The following KLHL14 variants were observed in gnomAD, a reference collection of about 807,000 sequenced individuals.
KLHL14 encodes kelch like family member 14, also known as kelch-like protein 14.
KLHL14 carries 22 observed loss-of-function variants against 64.3 expected under a neutral mutation model. The observed-to-expected ratio is 0.34, with a 90% CI of 0.24 to 0.49. The LOEUF is 0.49. KLHL14 is among the 20% of genes least tolerant of loss of function. KLHL14 has a pLI of 0.99. For synonymous variants in KLHL14, 322 were observed against 333.4 expected (o/e 0.97, Z 0.37); for missense variants, 661 against 789.0 (o/e 0.84, Z 1.94).
chr18:32,770,656 TGGGAGGGAG>T lies in KLHL14; in HGVS notation c.-43-31_-43-23del. ...CAACCTGGCAGACAGGGGTGGGGGA[TGGGAGGGAG>T]GGGAGCAGGGTGGTGGAGCGGGTGG... On this transcript the variant is annotated intron_variant, in intron 1 of 8. Coordinates refer to ENST00000359358, the MANE Select transcript of KLHL14 (RefSeq NM_020805.3). The surrounding 1 kb of genome is among the most constrained non-coding windows in gnomAD (Gnocchi z 6.7). 2.4e-5 allele frequency: 5 copies of T among 205,650 alleles called. No homozygotes were observed. The highest frequency in any genetic ancestry group is 4.0e-5 in the Non-Finnish European group (5 of 124,230). The allele number at this position is 205,650 out of a possible 1,614,324, so 12.7% of individuals were successfully genotyped here.
intron 2 of KLHL14, among the ~76,000 whole-genome samples, chr18:32,755,885 C>T (rs538774188): frequency 6.6e-6 from 1 of 152,250 alleles, no homozygotes; most frequent in African/African-American, 2.4e-5. Flanking sequence ...TCTCTACTAG[C>T]TTTACATTAC....
chr18:32,735,392 A>C (rs1009067679), intron 3 of KLHL14, among the ~76,000 whole-genome samples: 20 of 152,266 alleles, frequency 1.3e-4, no homozygotes, highest in Non-Finnish European at 2.6e-4. Context: ...AAAATGAAAA[A>C]ATTGTGAGCC....
intron 3 of KLHL14, among the ~76,000 whole-genome samples, chr18:32,740,134 C>T (rs911448893): frequency 4.6e-5 from 7 of 152,138 alleles, no homozygotes; most frequent in Non-Finnish European, 1.0e-4. Flanking sequence ...CTTCCTACAT[C>T]CCTCCAAGCA....
At chr18:32,703,331 AT>A (rs1312998139) in intron 3 of KLHL14, among the ~76,000 whole-genome samples, 1 of 152,162 alleles carries the variant, frequency 6.6e-6, no homozygotes, top group Admixed American at 6.5e-5. Flanking sequence ...TATGGAATTT[AT>A]TTTTTTGGAA....
intron 2 of KLHL14, among the ~76,000 whole-genome samples, chr18:32,754,957 G>A (rs2144543424): frequency 6.6e-6 from 1 of 152,080 alleles, no homozygotes; most frequent in East Asian, 1.9e-4. Context: ...TTTTTGTGTA[G>A]ATCTGCAGCA....
intron 2 of KLHL14, among the ~76,000 whole-genome samples, chr18:32,767,433 T>C (rs1293232579): frequency 6.6e-6 from 1 of 152,244 alleles, no homozygotes; most frequent in Non-Finnish European, 1.5e-5. Context: ...CATGAACTAT[T>C]TGCTTTTCTA....
intron 2 of KLHL14, among the ~76,000 whole-genome samples, chr18:32,759,781 C>A (rs1266838068): frequency 1.3e-5 from 2 of 151,780 alleles, no homozygotes; most frequent in South Asian, 4.2e-4. Context: ...ACAGGAATTG[C>A]CACTGACAAT....
intron 3 of KLHL14, among the ~76,000 whole-genome samples, chr18:32,741,707 A>C (rs1333984857): frequency 6.6e-6 from 1 of 152,176 alleles, no homozygotes; most frequent in East Asian, 1.9e-4. Flanking sequence ...GTAAACCAGT[A>C]CAGTGATTTT....
chr18:32,758,116 G>T (rs916534990), intron 2 of KLHL14, among the ~76,000 whole-genome samples: 6 of 150,484 alleles, frequency 4.0e-5, no homozygotes, highest in Non-Finnish European at 8.9e-5. Context: ...TCTTTTTGTT[G>T]TTTTTTTTTG....
rs183335789 is a variant in KLHL14 at position 32,749,157 on chromosome 18, T to C, written c.948-7108A>G. On this transcript the variant is annotated intron_variant, in intron 2 of 8. Coordinates refer to ENST00000359358, the MANE Select transcript of KLHL14 (RefSeq NM_020805.3). ...TTCTTCCTGAAATGATACTAAATCA[T>C]TGGGATTTTTACTTTCTCTACATAG... Among the ~76,000 whole-genome samples, 87 of 152,350 alleles carry C rather than the reference T, an allele frequency of 5.7e-4. 1 individual carries two copies. Among genetic ancestry groups the C allele is most frequent in the African/African-American group, 2.0e-3 (85 of 41,590 alleles).
Position 32,674,613 on chromosome 18 carries a change from TG to T in KLHL14, c.*43del. On this transcript the variant is annotated 3_prime_UTR_variant, in exon 9 of 9. Transcript: ENST00000359358. Reference sequence around the variant, plus strand: ...TTATAATAGTGATGTCACCTGCCATTGCTTCCTAGAATGTGATACTGTTCAT... The same window carrying T: ...TTATAATAGTGATGTCACCTGCCATTCTTCCTAGAATGTGATACTGTTCAT... The T allele has an allele frequency of 1.3e-6, 1 of 769,732 alleles. No individual in the cohort carries two copies. The highest frequency in any genetic ancestry group is 1.4e-5 in the South Asian group (1 of 73,686). 47.7% of individuals were successfully genotyped at this position (769,732 alleles called of 1,614,324 possible).
chr18:32,740,810 T>C (rs2050192534), intron 3 of KLHL14: 1 of 152,192 alleles, frequency 6.6e-6, no homozygotes, highest in Non-Finnish European at 1.5e-5. Context: ...TCCAGGGAGC[T>C]TTCTTGTTGC....
intron 3 of KLHL14, among the ~76,000 whole-genome samples, chr18:32,698,989 A>T (rs2049949744): frequency 6.6e-6 from 1 of 152,212 alleles, no homozygotes; most frequent in Non-Finnish European, 1.5e-5. Context: ...AGAATGACTA[A>T]TCATCACACA....
intron 3 of KLHL14, among the ~76,000 whole-genome samples, chr18:32,711,361 T>A (rs1244666946): frequency 1.3e-5 from 2 of 151,822 alleles, no homozygotes; most frequent in Admixed American, 1.3e-4. Flanking sequence ...AGAAAAGGAG[T>A]AATTTTAATA....
intron 3 of KLHL14, among the ~76,000 whole-genome samples, chr18:32,721,432 A>G (rs2050079462): frequency 6.6e-6 from 1 of 152,188 alleles, no homozygotes; most frequent in Non-Finnish European, 1.5e-5. Flanking sequence ...TATTTCAGGG[A>G]TACAAGAAAG....
chr18:32,708,396 C>T (rs997904486), intron 3 of KLHL14, among the ~76,000 whole-genome samples: 4 of 152,110 alleles, frequency 2.6e-5, no homozygotes, highest in African/African-American at 9.7e-5. Flanking sequence ...TTGAAAGGAA[C>T]AGGGCAGTGG....
chr18:32,696,913 AGTTTT>A (rs1157929079), intron 3 of KLHL14, among the ~76,000 whole-genome samples: 3 of 152,092 alleles, frequency 2.0e-5, no homozygotes, highest in Non-Finnish European at 2.9e-5. Flanking sequence ...GGATTTTAGG[AGTTTT>A]GTTTTGTTTA....
At chr18:32,754,190 T>A (rs573865269) in intron 2 of KLHL14, among the ~76,000 whole-genome samples, 1 of 152,318 alleles carries the variant, frequency 6.6e-6, no homozygotes, top group Admixed American at 6.5e-5. Flanking sequence ...AGATAAAGCA[T>A]CACTCTCAGG....
chr18:32,725,667 G>A (rs1351705714), intron 3 of KLHL14, among the ~76,000 whole-genome samples: 2 of 152,220 alleles, frequency 1.3e-5, no homozygotes, highest in Non-Finnish European at 2.9e-5. Context: ...GTCAGTCATG[G>A]AGGTAGACAT....
Sources: gnomAD v4.1 joint callset for allele counts (sites outside exome capture counted in the v4.1 genomes callset) on GRCh38, gnomAD v4.1.1 for gene constraint, Gnocchi (gnomAD v3.1) non-coding constraint, MANE v1.5 for transcripts, NCBI Gene and HGNC (gene_info 2026-07-23, HGNC 2026-07-21) for gene names.